The following SLC7A14 variants were observed in gnomAD, a reference collection of about 807,000 sequenced individuals.
The protein encoded by SLC7A14 is solute carrier family 7 member 14, also known as gamma-aminobutyric acid transporter SLC7A14.
Under a neutral mutation model 60.2 loss-of-function variants are expected in SLC7A14, and 37 were observed. That is an observed-to-expected ratio of 0.61 (90% CI 0.47 to 0.81). SLC7A14 has a LOEUF of 0.81. SLC7A14 is among the 30% of genes least tolerant of loss of function. The probability of loss-of-function intolerance (pLI) is 0.00; values close to 1 mark genes in which losing one functional copy is unlikely to be tolerated. For missense variants in SLC7A14, 886 were observed against 982.7 expected (o/e 0.90, Z 1.32); for synonymous variants, 399 against 395.8 (o/e 1.01, Z -0.10).
chr3:170,482,183 C>A (rs1387915643), intron 6 of SLC7A14, among the ~76,000 whole-genome samples: 9 of 152,110 alleles, frequency 5.9e-5, no homozygotes, highest in Non-Finnish European at 5.9e-5. Flanking sequence ...AATAGGCTCC[C>A]TCTCCTCTCC....
At chr3:170,528,845 G>A (rs1484427542) in intron 1 of SLC7A14, among the ~76,000 whole-genome samples, 2 of 152,050 alleles carry the variant, frequency 1.3e-5, no homozygotes, top group African/African-American at 2.4e-5. Flanking sequence ...TACCGAGAAG[G>A]CCGCTAGAAC....
intron 1 of SLC7A14, among the ~76,000 whole-genome samples, chr3:170,578,807 T>A (rs1339468615): frequency 6.6e-6 from 1 of 152,232 alleles, no homozygotes; most frequent in African/African-American, 2.4e-5. Context: ...AACCATAGAA[T>A]GTTATGGCTT....
At chr3:170,518,416 C>T (rs1713238356) in intron 2 of SLC7A14, among the ~76,000 whole-genome samples, 1 of 152,150 alleles carries the variant, frequency 6.6e-6, no homozygotes. Context: ...CTCCTTGTCC[C>T]TCATCTACTC....
chr3:170,500,527 G>T (rs1215488469), intron 3 of SLC7A14, among the ~76,000 whole-genome samples: 1 of 150,572 alleles, frequency 6.6e-6, no homozygotes, highest in African/African-American at 2.4e-5. Flanking sequence ...ACGAGCTTCT[G>T]ATGGTTTAGC....
chr3:170,569,662 C>G (rs1171141635), intron 1 of SLC7A14, among the ~76,000 whole-genome samples: 1 of 152,052 alleles, frequency 6.6e-6, no homozygotes, highest in Non-Finnish European at 1.5e-5. Flanking sequence ...GGTTGGTAAG[C>G]TATTGATTAT....
At chr3:170,563,217 A>G (rs1404272442) in intron 1 of SLC7A14, among the ~76,000 whole-genome samples, 2 of 151,974 alleles carry the variant, frequency 1.3e-5, no homozygotes, top group African/African-American at 4.8e-5. Context: ...ACACCCTTCC[A>G]TTTTAAAAAA....
rs549734787 is a variant in SLC7A14 at position 170,524,315 on chromosome 3, G to C, written c.304+2318C>G. Among the ~76,000 whole-genome samples the C allele has an allele frequency of 5.9e-5, 9 of 152,334 alleles. No homozygotes were observed. In the South Asian group the frequency reaches 1.9e-3, roughly 32 times the overall value. Reference sequence around the variant, plus strand: ...TACTCTTGGCAGCTGGTGTGAGCTGGCTCCAGCATAACACAGTCTGGACCA... The same window carrying C: ...TACTCTTGGCAGCTGGTGTGAGCTGCCTCCAGCATAACACAGTCTGGACCA... On this transcript the variant is annotated intron_variant, in intron 2 of 7. Transcript: ENST00000231706.
chr3:170,553,467 GTCA>G (rs35762212), intron 1 of SLC7A14, among the ~76,000 whole-genome samples: 8,655 of 152,276 alleles, frequency 0.057, 314 homozygotes, highest in South Asian at 0.094. Context: ...CAGTAACATT[GTCA>G]TCATCGTCGT....
At chr3:170,521,767 A>C (rs1013288643) in intron 2 of SLC7A14, among the ~76,000 whole-genome samples, 4 of 152,192 alleles carry the variant, frequency 2.6e-5, no homozygotes, top group African/African-American at 9.7e-5. Context: ...CTACAAATAC[A>C]AAAATTAGCC....
chr3:170,483,507 T>A lies in SLC7A14; in HGVS notation c.922A>T (p.Thr308Ser), dbSNP rs368578704. Reference sequence around the variant, plus strand: ...ATGGTATAATATGGCACCATCAGAGTTAAGATCACGCTCACCTGTTAAAAC... The same window carrying A: ...ATGGTATAATATGGCACCATCAGAGATAAGATCACGCTCACCTGTTAAAAC... ...TAYVSVSVIL[T>S]LMVPYYTIDT... Residue 308 changes from threonine (T) to serine (S), a missense_variant, in exon 6 of 8, where the codon ACT becomes TCT. Physicochemically the swap from Thr to Ser is moderately conservative, Grantham distance 58. Coordinates refer to ENST00000231706, the MANE Select transcript of SLC7A14 (RefSeq NM_020949.3). The A allele has an allele frequency of 1.2e-6, 2 of 1,613,840 alleles. No homozygotes were observed. The highest frequency in any genetic ancestry group is 1.7e-6 in the Non-Finnish European group (2 of 1,179,976).
intron 5 of SLC7A14, among the ~76,000 whole-genome samples, chr3:170,484,430 A>T (rs984424607): frequency 1.3e-5 from 2 of 152,274 alleles, no homozygotes; most frequent in African/African-American, 4.8e-5. Flanking sequence ...GGCTCCCAGG[A>T]CCTACTCCCC....
chr3:170,557,070 C>G (rs1010216699), intron 1 of SLC7A14, among the ~76,000 whole-genome samples: 2 of 152,194 alleles, frequency 1.3e-5, no homozygotes, highest in African/African-American at 4.8e-5. Context: ...GATCAGAGTT[C>G]TCAGAGTCTG....
rs1233161006 is a variant in SLC7A14 at position 170,483,389 on chromosome 3, G to A, written c.1040C>T (p.Thr347Ile). The part of the protein sequence containing the change: ...VVAIGSVAGL[T>I]VSLLGSLFPM... ...GAAGAGGGACCCCAGCAAGCTGACT[G>A]TCAGTCCTGCAACCGACCCAATGGC... Residue 347 changes from threonine to isoleucine, a missense_variant, in exon 6 of 8, where the codon ACA becomes ATA. Physicochemically the swap from Thr to Ile is moderately conservative, Grantham distance 89. Transcript: ENST00000231706. 1 of 1,614,220 alleles carries A rather than the reference G, an allele frequency of 6.2e-7. No individual in the cohort carries two copies. Among genetic ancestry groups the A allele is most frequent in the African/African-American group, 1.3e-5 (1 of 75,058 alleles).
At position 170,467,300 on chromosome 3, in the gene SLC7A14, T is replaced by C. The variant is rs778697412; in HGVS notation, c.2071A>G (p.Ser691Gly). ...TCCACGTCGTAGCGTTGGTACGTGC[T>C]TTGGTGCAGGGCCTCTTCTCGAGCG... ...ISAREEALHQ[S>G]TYQRYDVDDP... Residue 691 changes from serine to glycine, a missense_variant, in exon 8 of 8, where the codon AGC (serine) becomes GGC (glycine). By Grantham distance (56) the Ser-to-Gly change is moderately conservative. Transcript: ENST00000231706. The C allele has an allele frequency of 1.9e-6, 3 of 1,614,222 alleles. No homozygotes were observed. Among genetic ancestry groups the C allele is most frequent in the Non-Finnish European group, 2.5e-6 (3 of 1,180,036 alleles).
intron 1 of SLC7A14, among the ~76,000 whole-genome samples, chr3:170,580,809 G>A (rs1411218249): frequency 6.6e-6 from 1 of 152,158 alleles, no homozygotes; most frequent in East Asian, 1.9e-4. Context: ...AATAAATACA[G>A]TGAAGAAACA....
rs925002981 is a variant in SLC7A14 at position 170,483,483 on chromosome 3, T to C, written c.946A>G (p.Ile316Val). 1.2e-6 allele frequency: 2 copies of C among 1,614,162 alleles called. No individual in the cohort carries two copies. The highest frequency in any genetic ancestry group is 2.2e-5 in the East Asian group (1 of 44,864). The change falls in exon 6 of 8, where the codon ATT becomes GTT. Residue 316 changes from isoleucine to valine, a missense_variant. Coordinates refer to ENST00000231706, the MANE Select transcript of SLC7A14 (RefSeq NM_020949.3). ...ILTLMVPYYTIDTESPLMEMF... is the reference protein window; with the variant it reads ...ILTLMVPYYTVDTESPLMEMF... ...TCCATGAGTGGGGATTCCGTGTCAA[T>C]GGTATAATATGGCACCATCAGAGTT...
intron 1 of SLC7A14, among the ~76,000 whole-genome samples, chr3:170,539,954 G>A (rs1713967113): frequency 1.3e-5 from 2 of 152,116 alleles, no homozygotes; most frequent in South Asian, 2.1e-4. Flanking sequence ...ATTGTACTTT[G>A]GGGCCAGTAT....
chr3:170,510,745 G>C (rs1475280065), intron 2 of SLC7A14, among the ~76,000 whole-genome samples: 1 of 152,208 alleles, frequency 6.6e-6, no homozygotes, highest in Non-Finnish European at 1.5e-5. Flanking sequence ...GAAGCGGCAA[G>C]TGGGCTGGAA....
intron 4 of SLC7A14, among the ~76,000 whole-genome samples, chr3:170,487,342 G>A: frequency 6.6e-6 from 1 of 151,306 alleles, no homozygotes; most frequent in Admixed American, 6.6e-5. Context: ...TTAGCTCTAA[G>A]TAAAAAAGTG....
Sources: gnomAD v4.1 joint callset for allele counts (sites outside exome capture counted in the v4.1 genomes callset) on GRCh38, gnomAD v4.1.1 for gene constraint, MANE v1.5 for transcripts, NCBI Gene and HGNC (gene_info 2026-07-23, HGNC 2026-07-21) for gene names.